Variants in STAU2 observed in about 807,000 individuals in gnomAD.
The protein encoded by STAU2 is double-stranded RNA-binding protein Staufen homolog 2.
Under a neutral mutation model 65.9 loss-of-function variants are expected in STAU2, and 20 were observed. The ratio of observed to expected loss-of-function variants is 0.30; its 90% CI spans 0.21 to 0.44. STAU2 has a LOEUF of 0.44. STAU2 is among the 20% of genes least tolerant of loss of function. The probability of loss-of-function intolerance (pLI) is 1.00; values close to 1 mark genes in which losing one functional copy is unlikely to be tolerated. For synonymous variants in STAU2, 232 were observed against 233.9 expected (o/e 0.99, Z 0.07); for missense variants, 558 against 683.9 (o/e 0.82, Z 2.05).
intron 13 of STAU2, among the ~76,000 whole-genome samples, chr8:73,538,678 A>G (rs1327977955): frequency 3.3e-5 from 4 of 121,726 alleles, no homozygotes; most frequent in East Asian, 1.3e-3. Flanking sequence ...GAGTTTTAGA[A>G]AAAAAAAAAA....
intron 13 of STAU2, among the ~76,000 whole-genome samples, chr8:73,460,752 A>G (rs545874340): frequency 2.0e-5 from 3 of 152,334 alleles, no homozygotes; most frequent in African/African-American, 7.2e-5. Context: ...CAGACACTAT[A>G]CACAGCTTTA....
At chr8:73,729,982 T>G (rs1289581741) in intron 3 of STAU2, among the ~76,000 whole-genome samples, 1 of 152,190 alleles carries the variant, frequency 6.6e-6, no homozygotes, top group East Asian at 1.9e-4. Context: ...AGAATCAAAC[T>G]TTTGGTTTCA....
chr8:73,648,275 G>A (rs1164410675), intron 6 of STAU2, among the ~76,000 whole-genome samples: 4 of 152,004 alleles, frequency 2.6e-5, no homozygotes, highest in African/African-American at 4.8e-5. Context: ...GAAAAAATAC[G>A]TTCTGAAGTG....
At chr8:73,716,620 G>A (rs978377654) in intron 3 of STAU2, among the ~76,000 whole-genome samples, 4 of 151,886 alleles carry the variant, frequency 2.6e-5, no homozygotes, top group African/African-American at 4.8e-5. Context: ...ATGATACCTC[G>A]TGATTTTAAT....
chr8:73,669,637 TTCTCTCTC>T (rs34037884), intron 6 of STAU2, among the ~76,000 whole-genome samples: 82 of 141,336 alleles, frequency 5.8e-4, no homozygotes, highest in Middle Eastern at 3.6e-3. Context: ...GAGCCTGGAA[TTCTCTCTC>T]TCTCTCTCTC....
At chr8:73,734,863 T>C (rs976480958) in intron 3 of STAU2, among the ~76,000 whole-genome samples, 1 of 151,992 alleles carries the variant, frequency 6.6e-6, no homozygotes, top group African/African-American at 2.4e-5. Flanking sequence ...CAAATAAAAA[T>C]GTAGTACTAA....
At chr8:73,734,233 GT>G (rs11370206) in intron 3 of STAU2, among the ~76,000 whole-genome samples, 29 of 131,554 alleles carry the variant, frequency 2.2e-4, no homozygotes, top group Non-Finnish European at 3.0e-4. Context: ...TTCAGGGTTT[GT>G]TTTTTTTTTT....
At chr8:73,487,457 A>G (rs1376430608) in intron 13 of STAU2, among the ~76,000 whole-genome samples, 1 of 152,114 alleles carries the variant, frequency 6.6e-6, no homozygotes, top group Non-Finnish European at 1.5e-5. Flanking sequence ...AAACATTGCA[A>G]TGATTATGAA....
At chr8:73,741,165 C>T (rs1186639798) in intron 1 of STAU2, among the ~76,000 whole-genome samples, 2 of 150,332 alleles carry the variant, frequency 1.3e-5, no homozygotes, top group African/African-American at 4.9e-5. Flanking sequence ...ATTAGCCGGG[C>T]GTGGTGGCGG....
intron 6 of STAU2, among the ~76,000 whole-genome samples, chr8:73,643,145 G>C (rs913975213): frequency 3.3e-5 from 5 of 152,146 alleles, no homozygotes; most frequent in Admixed American, 6.5e-5. Context: ...TCCCATCTCA[G>C]TAAATGGCAG....
chr8:73,674,280 C>T (rs959103436), intron 5 of STAU2, among the ~76,000 whole-genome samples: 29 of 151,322 alleles, frequency 1.9e-4, no homozygotes, highest in African/African-American at 4.8e-4. Context: ...TCTCTAAAAT[C>T]GAAAGAAAAC....
chr8:73,573,892 A>C (rs1809305692), intron 12 of STAU2, among the ~76,000 whole-genome samples: 2 of 152,260 alleles, frequency 1.3e-5, no homozygotes, highest in Non-Finnish European at 2.9e-5. Flanking sequence ...ACAAAAGCCA[A>C]AATTGACAAA....
At chr8:73,546,359 C>G (rs769494080) in intron 13 of STAU2, among the ~76,000 whole-genome samples, 1 of 152,012 alleles carries the variant, frequency 6.6e-6, no homozygotes, top group Non-Finnish European at 1.5e-5. Flanking sequence ...AAAAACAAAC[C>G]AATATCCAGA....
intron 6 of STAU2, chr8:73,652,203 A>G (rs928362906): frequency 2.0e-5 from 3 of 152,206 alleles, no homozygotes; most frequent in Admixed American, 6.5e-5. Context: ...TATAAATAAA[A>G]TTATCAAACT....
chr8:73,431,884 C>T (rs1817325125), intron 13 of STAU2, among the ~76,000 whole-genome samples: 1 of 152,190 alleles, frequency 6.6e-6, no homozygotes, highest in Admixed American at 6.5e-5. Flanking sequence ...CAGGACTAAA[C>T]AGTTTGTAAC....
At chr8:73,599,789 G>A (rs1563449304) in intron 10 of STAU2, among the ~76,000 whole-genome samples, 2 of 149,358 alleles carry the variant, frequency 1.3e-5, no homozygotes, top group African/African-American at 2.5e-5. Context: ...TTTTTGAGAC[G>A]GAGTCTCGCT....
chr8:73,588,283 G>C (rs1269206513), intron 11 of STAU2, among the ~76,000 whole-genome samples: 1 of 152,200 alleles, frequency 6.6e-6, no homozygotes, highest in African/African-American at 2.4e-5. Context: ...GGCAGGGCAG[G>C]GATAGCAGAG....
At chr8:73,530,947 CATGGACATG>C (rs1805769060) in intron 13 of STAU2, among the ~76,000 whole-genome samples, 1 of 152,168 alleles carries the variant, frequency 6.6e-6, no homozygotes, top group Non-Finnish European at 1.5e-5. Context: ...ACTCAAGACA[CATGGACATG>C]GTGTACATGG....
intron 13 of STAU2, among the ~76,000 whole-genome samples, chr8:73,463,434 G>A (rs1306103450): frequency 6.6e-6 from 1 of 152,172 alleles, no homozygotes; most frequent in Non-Finnish European, 1.5e-5. Flanking sequence ...ATGAATTTCT[G>A]AGTACTTGTT....
Sources: allele counts gnomAD v4.1 joint callset (sites outside exome capture counted in the v4.1 genomes callset), GRCh38; gene constraint gnomAD v4.1.1; transcripts MANE v1.5; gene names NCBI Gene and HGNC (gene_info 2026-07-23, HGNC 2026-07-21).